The following PUS7 variants were observed in gnomAD, a reference collection of about 807,000 sequenced individuals.
The protein encoded by PUS7 is pseudouridylate synthase 7 homolog.
PUS7 carries 48 observed loss-of-function variants against 79.8 expected under a neutral mutation model. The observed-to-expected ratio is 0.60, with a 90% CI of 0.48 to 0.76. The LOEUF (loss-of-function observed/expected upper bound fraction) is 0.76. Ranked by LOEUF, PUS7 falls within the 30% of genes least tolerant of loss-of-function variation. The pLI, the probability that PUS7 is intolerant of heterozygous loss-of-function variation, is 0.00. For synonymous variants in PUS7, 286 were observed against 272.2 expected, an observed-to-expected ratio of 1.05 and a Z score of -0.50; for missense variants, 729 against 797.6, an observed-to-expected ratio of 0.91 and a Z score of 1.04.
intron 5 of PUS7, among the ~76,000 whole-genome samples, chr7:105,495,938 T>C (rs1471177922): frequency 6.6e-6 from 1 of 151,916 alleles, no homozygotes; most frequent in East Asian, 1.9e-4. Flanking sequence ...GATGGGCGGA[T>C]CACCTGAGGT....
Position 105,465,342 on chromosome 7 carries a change from C to T in PUS7, c.1598G>A (p.Gly533Asp). The change falls in exon 13 of 16, where the codon GGT (glycine) becomes GAT (aspartate). Residue 533 changes from glycine to aspartate, a missense_variant. Physicochemically the swap from Gly to Asp is moderately conservative, Grantham distance 94. Transcript: ENST00000469408. ...ATGCTTTGGGTAGATAACATCGAAA[C>T]CAGGCAAGGGCATTACCACATCATG... ...SIHDVVMPLP[G>D]FDVIYPKHKI... The T allele has an allele frequency of 3.7e-6, 6 of 1,613,250 alleles. No homozygotes were observed. The highest frequency in any genetic ancestry group is 5.1e-6 in the Non-Finnish European group (6 of 1,179,306).
intron 12 of PUS7, among the ~76,000 whole-genome samples, chr7:105,467,500 A>G (rs1168692807): frequency 1.3e-5 from 2 of 151,612 alleles, no homozygotes; most frequent in South Asian, 4.2e-4. Flanking sequence ...CGTGTTAGCC[A>G]GGATGGTCTC....
chr7:105,506,305 T>C (rs1825455900), intron 2 of PUS7, 32 bp from the exon 3 acceptor site: 33 of 1,411,010 alleles, frequency 2.3e-5, no homozygotes, highest in Non-Finnish European at 3.3e-5. Context: ...TTTCAGATAA[T>C]TAACATCCTG....
At position 105,506,261 on chromosome 7, in the gene PUS7, G is replaced by T; in HGVS notation, c.411C>A (p.Phe137Leu). ...CATCTTTTCCTATTTCATGAACAAC[G>T]AAGTCGGAGTATCTGATGAAAGAAA... ...SGILKERYSD[F>L]VVHEIGKDGR... is the part of the protein sequence containing the mutation. The change falls in exon 3 of 16, where the codon TTC becomes TTA. Residue 137 changes from phenylalanine (F) to leucine (L), a missense_variant. Physicochemically the swap from Phe to Leu is conservative, Grantham distance 22 (BLOSUM62 0). Coordinates refer to ENST00000469408, the MANE Select transcript of PUS7 (RefSeq NM_019042.5). The T allele has an allele frequency of 6.2e-7, 1 of 1,610,908 alleles. No individual in the cohort carries two copies. Among genetic ancestry groups the T allele is most frequent in the East Asian group, 2.2e-5 (1 of 44,818 alleles).
At chr7:105,520,956 G>A (rs886946422) in intron 1 of PUS7, among the ~76,000 whole-genome samples, 9 of 151,700 alleles carry the variant, frequency 5.9e-5, no homozygotes, top group Admixed American at 5.3e-4. Flanking sequence ...TGCAGTGAGC[G>A]ATGATCACGC....
At chr7:105,509,880 C>T (rs192298456) in intron 1 of PUS7, among the ~76,000 whole-genome samples, 20 of 152,232 alleles carry the variant, frequency 1.3e-4, no homozygotes, top group Admixed American at 1.3e-3. Context: ...AGGGTGGTTA[C>T]CTCTAGGAGA....
intron 5 of PUS7, chr7:105,496,894 C>G (rs149576562): frequency 0.011 from 12,260 of 1,126,098 alleles, 88 homozygotes; most frequent in Middle Eastern, 0.016. Flanking sequence ...CTATACTTAG[C>G]ACTTGTGACA....
In PUS7 at chr7:105,474,617, A is replaced by C. The variant is rs1352867360; in HGVS notation, c.1176-2424T>G. Among the ~76,000 whole-genome samples the C allele has an allele frequency of 1.5e-4, 3 of 19,592 alleles. No individual in the cohort carries two copies. In the Admixed American group the frequency reaches 4.6e-3, roughly 30 times the overall value. The allele number at this position is 19,592 out of a possible 152,430, so 12.9% of individuals were successfully genotyped here. The stretch of plus-strand genomic sequence containing the variant: ...CCCCATCTCTACTAAAAATACAAAA[A>C]AAAAAAAAAAAAAAATAATCGGGCG... On this transcript the variant is annotated intron_variant, in intron 9 of 15. Transcript: ENST00000469408.
chr7:105,472,201 T>A lies in PUS7; in HGVS notation c.1176-8A>T. The A allele has an allele frequency of 6.6e-7, 1 of 1,519,982 alleles. No homozygotes were observed. Among genetic ancestry groups the A allele is most frequent in the East Asian group, 2.3e-5 (1 of 44,276 alleles). The allele number at this position is 1,519,982 out of a possible 1,614,324, so 94.2% of individuals were successfully genotyped here. On this transcript the variant is annotated splice_region_variant and splice_polypyrimidine_tract_variant and intron_variant, in intron 9 of 15. Transcript: ENST00000469408. ...GAATTTTGTAGTATAGCTCTAAAAT[T>A]AAACAACATTTATTTTACTAAATTT...
chr7:105,464,559 G>A (rs561409048), intron 13 of PUS7, among the ~76,000 whole-genome samples: 5 of 152,234 alleles, frequency 3.3e-5, no homozygotes, highest in South Asian at 4.2e-4. Context: ...GCCCTTCTTC[G>A]CCTGTCTCTG....
intron 2 of PUS7, among the ~76,000 whole-genome samples, chr7:105,507,060 T>G (rs1825492829): frequency 6.6e-6 from 1 of 152,166 alleles, no homozygotes; most frequent in Admixed American, 6.5e-5. Context: ...CTATTATTTT[T>G]TTTGAGACAG....
At chr7:105,511,322 C>T (rs1425512182) in intron 1 of PUS7, among the ~76,000 whole-genome samples, 2 of 151,526 alleles carry the variant, frequency 1.3e-5, no homozygotes, top group Admixed American at 6.6e-5. Flanking sequence ...CGTGAGCCAC[C>T]GCACCTGGCC....
At chr7:105,496,194 CACATAT>C (rs772313577) in intron 5 of PUS7, among the ~76,000 whole-genome samples, 2,413 of 91,352 alleles carry the variant, frequency 0.026, 34 homozygotes, top group African/African-American at 0.051. Context: ...TACACACACA[CACATAT>C]ATATATATAT....
At chr7:105,461,610 T>C (rs145523020) in intron 14 of PUS7, among the ~76,000 whole-genome samples, 44 of 152,324 alleles carry the variant, frequency 2.9e-4, no homozygotes, top group Admixed American at 1.9e-3. Context: ...CTAACACTTA[T>C]GAAACACTTA....
chr7:105,515,791 T>TTTTATTTATTTATTTATTTA (rs57686149), intron 1 of PUS7, among the ~76,000 whole-genome samples: 4,019 of 121,160 alleles, frequency 0.033, 128 homozygotes, highest in African/African-American at 0.063. Flanking sequence ...TTTTATTTTA[T>TTTTATTTATTTATTTATTTA]TTTATTTATT....
In PUS7 at chr7:105,479,158, T is replaced by C. The variant is rs530791228; in HGVS notation, c.1175+1894A>G. Among the ~76,000 whole-genome samples, 16 of 152,362 alleles carry C rather than the reference T, an allele frequency of 1.1e-4. 1 individual carries two copies. In the East Asian group the frequency reaches 2.7e-3, roughly 26 times the overall value. ...ACATCATCTCACTTCATTTTCACCA[T>C]TCTGTGAATTGGTATTATTATCTCC... is the stretch of plus-strand genomic sequence containing the variant. On this transcript the variant is annotated intron_variant, in intron 9 of 15. Coordinates refer to ENST00000469408, the MANE Select transcript of PUS7 (RefSeq NM_019042.5).
At chr7:105,497,427 T>C (rs760156495) in intron 5 of PUS7, among the ~76,000 whole-genome samples, 2 of 152,210 alleles carry the variant, frequency 1.3e-5, no homozygotes, top group Non-Finnish European at 2.9e-5. Flanking sequence ...ATGAATTTCT[T>C]GCATTGAATT....
At position 105,467,034 on chromosome 7, in the gene PUS7, GTTTTTTTTTTT is replaced by G. The variant is rs56177512; in HGVS notation, c.1525+1292_1525+1302del. 2.3e-3 allele frequency among the ~76,000 whole-genome samples: 166 copies of G among 70,696 alleles called. 4 individuals carry two copies. Among genetic ancestry groups the G allele is most frequent in the African/African-American group, 6.9e-3 (144 of 21,002 alleles). The allele number at this position is 70,696 out of a possible 152,430, so 46.4% of individuals were successfully genotyped here. A position where few individuals can be genotyped will look rare whatever the true frequency, so the allele number is the denominator to read the frequency against. Reference sequence around the variant, plus strand: ...AGAACTCTGAATCCCAGTTTTTTCTGTTTTTTTTTTTTTTTTTTTTTTTTTTTTAACTAGCT... The same window carrying G: ...AGAACTCTGAATCCCAGTTTTTTCTGTTTTTTTTTTTTTTTTTAACTAGCT... On this transcript the variant is annotated intron_variant, in intron 12 of 15. Coordinates refer to ENST00000469408, the MANE Select transcript of PUS7 (RefSeq NM_019042.5).
chr7:105,521,374 G>A (rs960019924), intron 1 of PUS7, among the ~76,000 whole-genome samples: 5 of 152,310 alleles, frequency 3.3e-5, no homozygotes, highest in Non-Finnish European at 7.3e-5. Context: ...ACACCTCTGC[G>A]CAGGGCTGAC....
Sources: allele counts gnomAD v4.1 joint callset (sites outside exome capture counted in the v4.1 genomes callset), GRCh38; gene constraint gnomAD v4.1.1; transcripts MANE v1.5; gene names NCBI Gene and HGNC (gene_info 2026-07-23, HGNC 2026-07-21).